Variants in PRKACB observed in about 807,000 individuals in gnomAD.
The protein encoded by PRKACB is protein kinase cAMP-activated catalytic subunit beta.
In PRKACB, 16 loss-of-function variants were observed where a neutral mutation model predicts 51.4. The observed-to-expected ratio is 0.31, with a 90% CI of 0.21 to 0.47. PRKACB has a LOEUF of 0.47. Among genes scored for constraint, PRKACB ranks in the 20% least tolerant of loss-of-function variants. PRKACB has a pLI of 1.00. For missense variants in PRKACB, 309 were observed against 464.5 expected, an observed-to-expected ratio of 0.67 and a Z score of 3.08; for synonymous variants, 147 against 154.4, an observed-to-expected ratio of 0.95 and a Z score of 0.35.
chr1:84,231,041 A>G (rs1049846043), intron 9 of PRKACB, among the ~76,000 whole-genome samples: 2 of 142,254 alleles, frequency 1.4e-5, no homozygotes, highest in Admixed American at 7.0e-5. Flanking sequence ...GTTTTTGCCC[A>G]TTCAGTATGA....
At position 84,180,183 on chromosome 1, in the gene PRKACB, GATATAT is replaced by G. The variant is rs3051182; in HGVS notation, c.249+966_249+971del. Among the ~76,000 whole-genome samples, 151 of 32,058 alleles carry G rather than the reference GATATAT, an allele frequency of 4.7e-3. 15 individuals are homozygous for G. Among genetic ancestry groups the G allele is most frequent in the Non-Finnish European group, 5.7e-3 (73 of 12,856 alleles). 21.0% of individuals were successfully genotyped at this position (32,058 alleles called of 152,430 possible). A position where few individuals can be genotyped will look rare whatever the true frequency, so the allele number is the denominator to read the frequency against. On this transcript the variant is annotated intron_variant, in intron 2 of 9. Coordinates refer to ENST00000370685, the MANE Select transcript of PRKACB (RefSeq NM_182948.4). Reference sequence around the variant, plus strand: ...ATCAACGAATGGATAAAGAAACTGTGATATATATATATATATATATATATATGTATG... The same window carrying G: ...ATCAACGAATGGATAAAGAAACTGTGATATATATATATATATATATGTATG...
chr1:84,204,921 G>T (rs1263929033), intron 8 of PRKACB: 3 of 973,762 alleles, frequency 3.1e-6, no homozygotes, highest in Non-Finnish European at 3.7e-6. Context: ...AGCTGTTTAT[G>T]AATATATATT....
intron 1 of PRKACB, among the ~76,000 whole-genome samples, chr1:84,162,050 G>A (rs908347112): frequency 2.6e-5 from 4 of 151,850 alleles, no homozygotes; most frequent in African/African-American, 9.7e-5. Flanking sequence ...TTTATTTTTG[G>A]AGGATAATTT....
Position 84,214,162 on chromosome 1 carries a change from C to T in PRKACB, c.916C>T (p.Pro306Ser). ...TGGTGTGTTTGTGTAGGTCCGATTCCCATCCCACTTCAGTTCAGATCTCAA... is the reference window on the plus strand; with the variant it reads ...TGGTGTGTTTGTGTAGGTCCGATTCTCATCCCACTTCAGTTCAGATCTCAA... ...EKIVSGKVRF[P>S]SHFSSDLKDL... is the part of the protein sequence containing the mutation. Residue 306 changes from proline (P) to serine (S), a missense_variant, in exon 9 of 10, where the codon CCA (proline) becomes TCA (serine). By Grantham distance (74) the Pro-to-Ser change is moderately conservative. Around this residue, in one of 3 missense-constraint regions of PRKACB, gnomAD observed 96 missense variants for 129.9 expected, o/e 0.74. Coordinates refer to ENST00000370685, the MANE Select transcript of PRKACB (RefSeq NM_182948.4). 1 of 1,606,816 alleles carries T rather than the reference C, an allele frequency of 6.2e-7. No individual in the cohort carries two copies. Among genetic ancestry groups the T allele is most frequent in the Non-Finnish European group, 8.5e-7 (1 of 1,177,020 alleles).
At chr1:84,082,674 C>T (rs972607578) in intron 1 of PRKACB, among the ~76,000 whole-genome samples, 1 of 152,122 alleles carries the variant, frequency 6.6e-6, no homozygotes, top group African/African-American at 2.4e-5. Flanking sequence ...GAAGTGATCT[C>T]CACCTATGCT....
At chr1:84,224,064 C>T in intron 9 of PRKACB, among the ~76,000 whole-genome samples, 1 of 152,048 alleles carries the variant, frequency 6.6e-6, no homozygotes, top group East Asian at 1.9e-4. Flanking sequence ...GTAGTGTAGT[C>T]TCTATGATTT....
At chr1:84,220,703 G>A (rs1164016246) in intron 9 of PRKACB, among the ~76,000 whole-genome samples, 2 of 152,110 alleles carry the variant, frequency 1.3e-5, no homozygotes, top group African/African-American at 4.8e-5. Context: ...ATGATCATAT[G>A]ATTTTTGTTG....
chr1:84,106,432 A>G (rs1040551891), intron 1 of PRKACB, among the ~76,000 whole-genome samples: 2 of 152,206 alleles, frequency 1.3e-5, no homozygotes, highest in Non-Finnish European at 2.9e-5. Context: ...ATAAATATAC[A>G]AAAGTCAGTA....
chr1:84,117,683 G>C (rs74386796), intron 1 of PRKACB, among the ~76,000 whole-genome samples: 1 of 151,686 alleles, frequency 6.6e-6, no homozygotes, highest in African/African-American at 2.4e-5. Context: ...TTGCATCTTC[G>C]CTTTTCTTGG....
In PRKACB at chr1:84,235,559, C is replaced by T. The variant is rs1444007606; in HGVS notation, c.*254C>T. The T allele has an allele frequency of 5.0e-5, 20 of 398,024 alleles. No homozygotes were observed. In the South Asian group the frequency reaches 7.3e-4, roughly 15 times the overall value. 24.7% of individuals were successfully genotyped at this position (398,024 alleles called of 1,614,324 possible). A position where few individuals can be genotyped will look rare whatever the true frequency, so the allele number is the denominator to read the frequency against. Reference sequence around the variant, plus strand: ...TTACTTCTCTTTGGGTTGTCTTTCTCCTCTCCTATATCCATTTCTTCCTTT... The same window carrying T: ...TTACTTCTCTTTGGGTTGTCTTTCTTCTCTCCTATATCCATTTCTTCCTTT... On this transcript the variant is annotated 3_prime_UTR_variant, in exon 10 of 10. Transcript: ENST00000370685.
intron 1 of PRKACB, among the ~76,000 whole-genome samples, chr1:84,100,034 G>A (rs1649214927): frequency 6.6e-6 from 1 of 152,132 alleles, no homozygotes; most frequent in Non-Finnish European, 1.5e-5. Flanking sequence ...GTAAAGATAC[G>A]AGACTGGGTA....
chr1:84,170,560 A>G (rs1380033954), intron 1 of PRKACB, among the ~76,000 whole-genome samples: 2 of 151,810 alleles, frequency 1.3e-5, no homozygotes, highest in East Asian at 3.9e-4. Context: ...ACCAGCTAAT[A>G]CAAAATCCTA....
upstream of PRKACB, among the ~76,000 whole-genome samples, chr1:84,143,997 A>G (rs1481416581): frequency 6.6e-6 from 1 of 152,156 alleles, no homozygotes; most frequent in Non-Finnish European, 1.5e-5. Context: ...TTGTTTGCAT[A>G]GACTTGTCAT....
intron 1 of PRKACB, chr1:84,175,094 T>G: frequency 7.2e-7 from 1 of 1,391,052 alleles, no homozygotes; most frequent in Non-Finnish European, 9.4e-7. Flanking sequence ...ATATTACCTT[T>G]AAAATTTTTT....
intron 8 of PRKACB, among the ~76,000 whole-genome samples, chr1:84,203,883 C>G (rs879622345): frequency 2.6e-5 from 4 of 151,890 alleles, no homozygotes; most frequent in Non-Finnish European, 4.4e-5. Context: ...GAGGGAAGGT[C>G]TTTATTTCTT....
chr1:84,088,989 G>GACT (rs753135373), intron 1 of PRKACB, among the ~76,000 whole-genome samples: 3 of 152,152 alleles, frequency 2.0e-5, no homozygotes, highest in Non-Finnish European at 2.9e-5. Flanking sequence ...TGACTGAAAT[G>GACT]GAAACTTCCT....
intron 9 of PRKACB, among the ~76,000 whole-genome samples, chr1:84,227,977 A>G (rs1674915000): frequency 1.3e-5 from 2 of 152,218 alleles, no homozygotes; most frequent in Non-Finnish European, 2.9e-5. Context: ...ATCATTTTCT[A>G]CACATGATTG....
chr1:84,173,902 A>G (rs1038872581), intron 1 of PRKACB, among the ~76,000 whole-genome samples: 5 of 151,910 alleles, frequency 3.3e-5, no homozygotes, highest in African/African-American at 4.8e-5. Flanking sequence ...GAAAATTTTT[A>G]ATAGCCCTGT....
At chr1:84,175,943 T>C (rs1269423181) in intron 1 of PRKACB, 1 of 632,706 alleles carries the variant, frequency 1.6e-6, no homozygotes, top group Non-Finnish European at 2.4e-6. Context: ...GTATCTACTT[T>C]GTTCAATTAT....
Sources: gnomAD v4.1 joint callset for allele counts (sites outside exome capture counted in the v4.1 genomes callset) on GRCh38, gnomAD v4.1.1 for gene constraint, gnomAD v4.1.1 regional missense constraint, MANE v1.5 for transcripts, NCBI Gene and HGNC (gene_info 2026-07-23, HGNC 2026-07-21) for gene names.